The following EEIG2 variants were observed in gnomAD, a reference collection of about 807,000 sequenced individuals.
EEIG2 encodes the protein EEIG family member 2, also known as family with sequence similarity 102 member B.
the EEIG2 span, among the ~76,000 whole-genome samples, chr1:108,588,474 C>T: frequency 5.3e-5 from 8 of 152,238 alleles, no homozygotes; most frequent in Non-Finnish European, 1.0e-4. Flanking sequence ...AGCATCTTTT[C>T]ACATACTTCT....
the EEIG2 span, among the ~76,000 whole-genome samples, chr1:108,617,521 A>G: frequency 2.7e-4 from 41 of 152,282 alleles, no homozygotes; most frequent in South Asian, 1.9e-3. Context: ...CAAGTAGGCA[A>G]TTGGTGGATA....
the EEIG2 span, chr1:108,635,729 T>G: frequency 6.6e-6 from 1 of 152,362 alleles, no homozygotes; most frequent in South Asian, 2.1e-4. Flanking sequence ...TTCATAATTC[T>G]CAGTGTATCA....
chr1:108,632,946 A>ATTTTTTTT, the EEIG2 span, among the ~76,000 whole-genome samples: 4 of 132,212 alleles, frequency 3.0e-5, 1 homozygote, highest in African/African-American at 5.7e-5. Flanking sequence ...CATGCCCAGC[A>ATTTTTTTT]TTTTTTTTTT....
chr1:108,615,017 T>A, the EEIG2 span, among the ~76,000 whole-genome samples: 3 of 152,114 alleles, frequency 2.0e-5, no homozygotes, highest in Non-Finnish European at 2.9e-5. Context: ...GATTTGGCAT[T>A]TAAAGAGAAA....
At chr1:108,610,795 G>A in the EEIG2 span, among the ~76,000 whole-genome samples, 8 of 152,214 alleles carry the variant, frequency 5.3e-5, no homozygotes, top group South Asian at 2.1e-4. Flanking sequence ...TTAGCCAGGC[G>A]TGGTGGTGGG....
chr1:108,591,153 A>G, the EEIG2 span, among the ~76,000 whole-genome samples: 1 of 152,244 alleles, frequency 6.6e-6, no homozygotes, highest in Non-Finnish European at 1.5e-5. Context: ...GAAACCATTT[A>G]CTAATGTGAC....
chr1:108,635,158 G>A, the EEIG2 span: 246 of 1,614,148 alleles, frequency 1.5e-4, no homozygotes, highest in Middle Eastern at 8.2e-4. Context: ...TAGAAGTCAA[G>A]TCGGTGAAAA....
chr1:108,623,977 T>A, the EEIG2 span, among the ~76,000 whole-genome samples: 2 of 151,970 alleles, frequency 1.3e-5, no homozygotes, highest in African/African-American at 4.8e-5. Flanking sequence ...CAGCCAAAAA[T>A]TTTTAAAGAA....
chr1:108,603,154 A>C, the EEIG2 span, among the ~76,000 whole-genome samples: 1 of 152,230 alleles, frequency 6.6e-6, no homozygotes, highest in African/African-American at 2.4e-5. Context: ...TGAGAGGCTT[A>C]GAATCCATAG....
the EEIG2 span, among the ~76,000 whole-genome samples, chr1:108,569,053 C>G: frequency 6.6e-6 from 1 of 152,146 alleles, no homozygotes; most frequent in African/African-American, 2.4e-5. Flanking sequence ...TTCAAAGTCA[C>G]ATATCAACTA....
the EEIG2 span, among the ~76,000 whole-genome samples, chr1:108,609,660 G>A: frequency 3.2e-4 from 49 of 152,282 alleles, no homozygotes; most frequent in East Asian, 3.9e-3. Context: ...ATGCGGAGGA[G>A]GAGGAAATGA....
the EEIG2 span, among the ~76,000 whole-genome samples, chr1:108,594,208 A>G: frequency 6.6e-6 from 1 of 152,228 alleles, no homozygotes; most frequent in Admixed American, 6.5e-5. Context: ...CTTGGTGGAC[A>G]TCAACATTTT....
chr1:108,561,588 T>A, the EEIG2 span, among the ~76,000 whole-genome samples: 1 of 152,224 alleles, frequency 6.6e-6, no homozygotes, highest in Non-Finnish European at 1.5e-5. Context: ...AACTTGTCTT[T>A]GGGGCAATAT....
the EEIG2 span, chr1:108,625,774 C>CTGTGTGTGTG: frequency 8.6e-4 from 20 of 23,274 alleles, no homozygotes; most frequent in African/African-American, 1.3e-3. Flanking sequence ...CTCTCTCTCT[C>CTGTGTGTGTG]TGTGTGTGTG....
the EEIG2 span, among the ~76,000 whole-genome samples, chr1:108,618,011 G>A: frequency 1.3e-5 from 2 of 152,128 alleles, no homozygotes; most frequent in Non-Finnish European, 2.9e-5. Flanking sequence ...GAGACAGTGA[G>A]TATAAACAAT....
the EEIG2 span, among the ~76,000 whole-genome samples, chr1:108,585,324 A>G: frequency 6.6e-6 from 1 of 152,194 alleles, no homozygotes; most frequent in South Asian, 2.1e-4. Flanking sequence ...TTGCCTTCAA[A>G]GGAACATCAG....
the EEIG2 span, chr1:108,612,032 A>C: frequency 2.0e-6 from 1 of 496,620 alleles, no homozygotes; most frequent in Non-Finnish European, 3.6e-6. Context: ...AAAGCAAATA[A>C]TAGAACAGGT....
At chr1:108,566,673 A>G in the EEIG2 span, among the ~76,000 whole-genome samples, 1 of 152,266 alleles carries the variant, frequency 6.6e-6, no homozygotes, top group South Asian at 2.1e-4. Flanking sequence ...TGTGGTATAT[A>G]CAATGGAAAT....
the EEIG2 span, among the ~76,000 whole-genome samples, chr1:108,610,245 A>G: frequency 1.3e-5 from 2 of 152,210 alleles, no homozygotes; most frequent in African/African-American, 4.8e-5. Context: ...AAATTTTAGA[A>G]TGCACAAGAG....
Sources: gnomAD v4.1 joint callset for allele counts (sites outside exome capture counted in the v4.1 genomes callset) on GRCh38, gnomAD v4.1.1 for gene constraint, MANE v1.5 for transcripts, NCBI Gene and HGNC (gene_info 2026-07-23, HGNC 2026-07-21) for gene names.